MTUS2: variants seen among roughly 807,000 people sequenced by gnomAD.
MTUS2 encodes microtubule associated scaffold protein 2.
In MTUS2, 40 loss-of-function variants were observed where a neutral mutation model predicts 114.1. The ratio of observed to expected loss-of-function variants is 0.35; its 90% CI spans 0.27 to 0.46. The LOEUF is 0.46. Among genes scored for constraint, MTUS2 ranks in the 20% least tolerant of loss-of-function variants. The pLI is 1.00. For synonymous variants in MTUS2, 688 were observed against 672.0 expected, an observed-to-expected ratio of 1.02 and a Z score of -0.37; for missense variants, 1,679 against 1,705.4, an observed-to-expected ratio of 0.98 and a Z score of 0.27.
intron 5 of MTUS2, among the ~76,000 whole-genome samples, chr13:29,204,936 C>T (rs1895121511): frequency 6.6e-6 from 1 of 152,158 alleles, no homozygotes; most frequent in South Asian, 2.1e-4. Flanking sequence ...GGGGGCACTA[C>T]CCAGATGATC....
intron 2 of MTUS2, among the ~76,000 whole-genome samples, chr13:28,899,940 T>G (rs943344428): frequency 1.3e-5 from 2 of 151,958 alleles, no homozygotes; most frequent in Non-Finnish European, 2.9e-5. Context: ...CAGGCTGGAG[T>G]GCAACGGCAG....
At chr13:29,354,904 GCTGT>G (rs1316212909) in intron 7 of MTUS2, among the ~76,000 whole-genome samples, 1 of 152,202 alleles carries the variant, frequency 6.6e-6, no homozygotes, top group Non-Finnish European at 1.5e-5. Context: ...AGAGTGTCCT[GCTGT>G]CTGTCACGAT....
intron 2 of MTUS2, among the ~76,000 whole-genome samples, chr13:28,914,573 G>A (rs565790326): frequency 2.0e-5 from 3 of 152,168 alleles, no homozygotes; most frequent in Admixed American, 6.5e-5. Flanking sequence ...TTGTTTTTGG[G>A]TGGAGAGTTT....
At chr13:28,966,860 T>C (rs1171260375) in intron 2 of MTUS2, among the ~76,000 whole-genome samples, 1 of 152,100 alleles carries the variant, frequency 6.6e-6, no homozygotes, top group Non-Finnish European at 1.5e-5. Context: ...ATTAAGGAAG[T>C]TTACAATTGT....
At chr13:29,037,094 CT>C (rs1443574577) in intron 4 of MTUS2, among the ~76,000 whole-genome samples, 1 of 152,072 alleles carries the variant, frequency 6.6e-6, no homozygotes, top group Non-Finnish European at 1.5e-5. Flanking sequence ...GATGGAGTTT[CT>C]TAATAGTGTT....
At chr13:29,439,849 T>C (rs552404758) in intron 8 of MTUS2, 134 bp from the exon 9 acceptor site, 36 of 741,336 alleles carry the variant, frequency 4.9e-5, no homozygotes, top group Middle Eastern at 2.7e-4. Context: ...TACATGCTTA[T>C]ATAATGTGAA....
intron 8 of MTUS2, among the ~76,000 whole-genome samples, chr13:29,391,341 G>C (rs1316526470): frequency 1.3e-5 from 2 of 152,172 alleles, no homozygotes; most frequent in Non-Finnish European, 2.9e-5. Context: ...CTGAGGGGCT[G>C]TTTATATTTA....
chr13:29,168,513 T>G (rs73445195), intron 5 of MTUS2, among the ~76,000 whole-genome samples: 3,787 of 152,258 alleles, frequency 0.025, 160 homozygotes, highest in African/African-American at 0.087. Context: ...GATAAATAAC[T>G]AACAACTACA....
chr13:29,304,536 G>A (rs370650913), intron 6 of MTUS2, among the ~76,000 whole-genome samples: 9 of 152,052 alleles, frequency 5.9e-5, no homozygotes, highest in African/African-American at 2.2e-4. Context: ...GATAAAAAAA[G>A]ATGAAGGGCA....
chr13:28,867,012 A>G (rs949908601), intron 2 of MTUS2, among the ~76,000 whole-genome samples: 2 of 152,250 alleles, frequency 1.3e-5, no homozygotes, highest in Non-Finnish European at 2.9e-5. Context: ...AGTTGCATAA[A>G]TAATTCCTAA....
Position 29,505,463 on chromosome 13 carries a change from G to GT in MTUS2, c.*2265dup, listed in dbSNP as rs57648942. 1.1e-5 allele frequency: 2 copies of GT among 182,630 alleles called. No individual in the cohort carries two copies. The allele number at this position is 182,630 out of a possible 1,614,324, so 11.3% of individuals were successfully genotyped here. A position where few individuals can be genotyped will look rare whatever the true frequency, so the allele number is the denominator to read the frequency against. On this transcript the variant is annotated 3_prime_UTR_variant, in exon 16 of 16. Coordinates refer to ENST00000612955, the MANE Select transcript of MTUS2 (RefSeq NM_001033602.4). ...GTGGCCCTGGCTTCGTGGTTTGTTTGTTTTTTTTCTTTTGTTACGGACACC... is the reference window on the plus strand; with the variant it reads ...GTGGCCCTGGCTTCGTGGTTTGTTTGTTTTTTTTTCTTTTGTTACGGACACC...
chr13:28,987,399 C>T (rs925006551), intron 2 of MTUS2, among the ~76,000 whole-genome samples: 3 of 151,844 alleles, frequency 2.0e-5, no homozygotes, highest in South Asian at 2.1e-4. Context: ...TTTCAGCCTA[C>T]TAGAGGGGGA....
Position 29,390,188 on chromosome 13 carries a change from A to C in MTUS2, c.3117+30715A>C, listed in dbSNP as rs558885275. On this transcript the variant is annotated intron_variant, in intron 8 of 15. Transcript: ENST00000612955. ...TGTGTGTGTGTGTGTTTATGAATAT[A>C]TATTTTTTCTAATGGAGTGAAAGGA... Among the ~76,000 whole-genome samples, 7 of 150,762 alleles carry C rather than the reference A, an allele frequency of 4.6e-5. No homozygotes were observed. In the South Asian group the frequency reaches 1.5e-3, roughly 32 times the overall value.
chr13:29,124,580 A>T (rs139988827), intron 5 of MTUS2, among the ~76,000 whole-genome samples: 1 of 152,182 alleles, frequency 6.6e-6, no homozygotes, highest in African/African-American at 2.4e-5. Flanking sequence ...CCACTACTGG[A>T]TATATACCCC....
chr13:29,108,965 GA>G (rs1890777253), intron 5 of MTUS2, among the ~76,000 whole-genome samples: 1 of 152,176 alleles, frequency 6.6e-6, no homozygotes, highest in African/African-American at 2.4e-5. Context: ...ACAAATATTT[GA>G]AAATATTTGA....
chr13:29,201,728 G>A (rs545478901), intron 5 of MTUS2, among the ~76,000 whole-genome samples: 38 of 152,254 alleles, frequency 2.5e-4, no homozygotes, highest in African/African-American at 8.7e-4. Context: ...GCATTTGCTC[G>A]TCTGTAAAGG....
chr13:29,382,673 TGC>T (rs755669663), intron 8 of MTUS2, among the ~76,000 whole-genome samples: 1 of 152,226 alleles, frequency 6.6e-6, no homozygotes, highest in Non-Finnish European at 1.5e-5. Flanking sequence ...TGTCAACATT[TGC>T]TTTAAGAAGT....
intron 5 of MTUS2, among the ~76,000 whole-genome samples, chr13:29,249,877 A>G (rs1216965973): frequency 6.6e-6 from 1 of 152,234 alleles, no homozygotes; most frequent in Non-Finnish European, 1.5e-5. Context: ...AATTAACTCA[A>G]GATGGATTAA....
At chr13:29,021,103 C>T (rs1886272468) in intron 2 of MTUS2, among the ~76,000 whole-genome samples, 1 of 152,076 alleles carries the variant, frequency 6.6e-6, no homozygotes, top group Non-Finnish European at 1.5e-5. Flanking sequence ...CCTATCTCTA[C>T]AAAAAATTAA....
Sources: gnomAD v4.1 joint callset for allele counts (sites outside exome capture counted in the v4.1 genomes callset) on GRCh38, gnomAD v4.1.1 for gene constraint, MANE v1.5 for transcripts, NCBI Gene and HGNC (gene_info 2026-07-23, HGNC 2026-07-21) for gene names.